Variants in KCNT2 observed in about 807,000 individuals in gnomAD.
The protein encoded by KCNT2 is potassium sodium-activated channel subfamily T member 2, also known as potassium channel subfamily T member 2.
KCNT2 carries 67 observed loss-of-function variants against 153.8 expected under a neutral mutation model. The ratio of observed to expected loss-of-function variants is 0.44; its 90% CI spans 0.36 to 0.53. The LOEUF (loss-of-function observed/expected upper bound fraction) is 0.53. Ranked by LOEUF, KCNT2 falls within the 20% of genes least tolerant of loss-of-function variation. The probability of loss-of-function intolerance (pLI) is 0.00; values close to 1 mark genes in which losing one functional copy is unlikely to be tolerated. For missense variants in KCNT2, 975 were observed against 1,354.8 expected, an observed-to-expected ratio of 0.72 and a Z score of 4.40; for synonymous variants, 500 against 458.8, an observed-to-expected ratio of 1.09 and a Z score of -1.15.
intron 1 of KCNT2, among the ~76,000 whole-genome samples, chr1:196,580,001 G>C (rs1661835308): frequency 6.6e-6 from 1 of 152,082 alleles, no homozygotes. Flanking sequence ...TTCCAACCTA[G>C]AAATGTTTCC....
At chr1:196,393,599 G>GGA (rs1273088439) in intron 13 of KCNT2, among the ~76,000 whole-genome samples, 1 of 137,416 alleles carries the variant, frequency 7.3e-6, no homozygotes, top group Non-Finnish European at 1.6e-5. Flanking sequence ...GTGTGTGCAT[G>GGA]TATGTGTGTG....
Position 196,273,422 on chromosome 1 carries a change from T to C in KCNT2, c.2910+7438A>G, listed in dbSNP as rs1658257240. Reference sequence around the variant, plus strand: ...TTTTTCTTTAATAGCTCTGAATTAATATATTACACCATTTGAGGAAAGGGA... The same window carrying C: ...TTTTTCTTTAATAGCTCTGAATTAACATATTACACCATTTGAGGAAAGGGA... On this transcript the variant is annotated intron_variant, in intron 25 of 27. Coordinates refer to ENST00000294725, the MANE Select transcript of KCNT2 (RefSeq NM_198503.5). The C allele has an allele frequency of 3.1e-6, 4 of 1,310,840 alleles. No homozygotes were observed. In the East Asian group the frequency reaches 1.0e-4, roughly 33 times the overall value. 81.2% of individuals were successfully genotyped at this position (1,310,840 alleles called of 1,614,324 possible). A position where few individuals can be genotyped will look rare whatever the true frequency, so the allele number is the denominator to read the frequency against.
At chr1:196,361,680 G>T (rs150325379) in intron 14 of KCNT2, among the ~76,000 whole-genome samples, 394 of 152,168 alleles carry the variant, frequency 2.6e-3, no homozygotes, top group African/African-American at 9.2e-3. Flanking sequence ...CTGGTGGTGT[G>T]GGGTAATAGG....
chr1:196,226,804 T>C lies in KCNT2; in HGVS notation c.*1420A>G, dbSNP rs924980856. On this transcript the variant is annotated 3_prime_UTR_variant, in exon 28 of 28. Transcript: ENST00000294725. ...AAAAGTCCCTTTCTAGTTTTATATG[T>C]ATTTTTTGTTGTTGCTGAATTAAAC... is the stretch of plus-strand genomic sequence containing the variant. 1 of 152,018 alleles carries C rather than the reference T, an allele frequency of 6.6e-6. No individual in the cohort carries two copies. Among genetic ancestry groups the C allele is most frequent in the East Asian group, 1.9e-4 (1 of 5,204 alleles). 9.4% of individuals were successfully genotyped at this position (152,018 alleles called of 1,614,324 possible). A position where few individuals can be genotyped will look rare whatever the true frequency, so the allele number is the denominator to read the frequency against.
rs1653626636 is a variant in KCNT2 at position 196,228,062 on chromosome 1, G to A, written c.*162C>T. On this transcript the variant is annotated 3_prime_UTR_variant, in exon 28 of 28. Coordinates refer to ENST00000294725, the MANE Select transcript of KCNT2 (RefSeq NM_198503.5). ...TTAATAGGGAGAGTACCAGTAAGTAGTACATTAAGTTTCAAAATGATCTAT... is the reference window on the plus strand; with the variant it reads ...TTAATAGGGAGAGTACCAGTAAGTAATACATTAAGTTTCAAAATGATCTAT... 1.8e-6 allele frequency: 1 copy of A among 544,890 alleles called. No homozygotes were observed. The allele number at this position is 544,890 out of a possible 1,614,324, so 33.8% of individuals were successfully genotyped here.
chr1:196,347,714 C>T (rs1666259941), intron 14 of KCNT2, among the ~76,000 whole-genome samples: 1 of 152,130 alleles, frequency 6.6e-6, no homozygotes, highest in Admixed American at 6.6e-5. Context: ...TCATCTGTTA[C>T]TTCTGTCTGC....
At chr1:196,248,703 G>A (rs1480365449) in intron 26 of KCNT2, among the ~76,000 whole-genome samples, 2 of 152,050 alleles carry the variant, frequency 1.3e-5, no homozygotes, top group South Asian at 2.1e-4. Flanking sequence ...CTACACTCCC[G>A]ATTTTGACCA....
At position 196,431,852 on chromosome 1, in the gene KCNT2, A is replaced by G. The variant is rs184368022; in HGVS notation, c.639-2095T>C. Among the ~76,000 whole-genome samples the G allele has an allele frequency of 2.4e-4, 37 of 152,254 alleles. No individual in the cohort carries two copies. The East Asian group carries it at 6.6e-3, about 27-fold the overall frequency. ...AAAATTGTGCTCCAGAGAAAACACCAACAGTTTGTCCAAGCAACTATGTGA... is the reference window on the plus strand; with the variant it reads ...AAAATTGTGCTCCAGAGAAAACACCGACAGTTTGTCCAAGCAACTATGTGA... On this transcript the variant is annotated intron_variant, in intron 8 of 27. Transcript: ENST00000294725.
chr1:196,382,788 A>G (rs1278125527), intron 13 of KCNT2, among the ~76,000 whole-genome samples: 1 of 152,190 alleles, frequency 6.6e-6, no homozygotes, highest in Non-Finnish European at 1.5e-5. Flanking sequence ...TAATTACAAG[A>G]GCAAGAGAAT....
intron 11 of KCNT2, among the ~76,000 whole-genome samples, chr1:196,425,181 C>T (rs889166196): frequency 2.6e-5 from 4 of 151,944 alleles, no homozygotes; most frequent in African/African-American, 7.2e-5. Flanking sequence ...GTGGTGTCCA[C>T]GCTATGCTCA....
intron 13 of KCNT2, among the ~76,000 whole-genome samples, chr1:196,385,772 A>AAAAAAAAT (rs747480460): frequency 1.3e-5 from 2 of 148,452 alleles, no homozygotes; most frequent in Non-Finnish European, 3.0e-5. Flanking sequence ...GCATTAAAAA[A>AAAAAAAAT]ATATATATAT....
chr1:196,280,262 G>A (rs1367022749), intron 25 of KCNT2, among the ~76,000 whole-genome samples: 5 of 152,036 alleles, frequency 3.3e-5, no homozygotes, highest in African/African-American at 9.7e-5. Flanking sequence ...AATATGTTTC[G>A]GGTGCATGAA....
At chr1:196,288,728 A>T (rs866743755) in intron 22 of KCNT2, among the ~76,000 whole-genome samples, 35 of 152,236 alleles carry the variant, frequency 2.3e-4, no homozygotes, top group African/African-American at 7.9e-4. Flanking sequence ...AGGTCTCTAG[A>T]TAATGAGGCA....
intron 25 of KCNT2, among the ~76,000 whole-genome samples, chr1:196,262,129 A>G (rs1341852927): frequency 6.6e-6 from 1 of 151,928 alleles, no homozygotes; most frequent in African/African-American, 2.4e-5. Context: ...ATAGCTGATT[A>G]TATTATAGTT....
intron 14 of KCNT2, among the ~76,000 whole-genome samples, chr1:196,363,678 C>T (rs1208452935): frequency 1.3e-5 from 2 of 152,248 alleles, no homozygotes; most frequent in South Asian, 2.1e-4. Context: ...GGCCTTCTGC[C>T]TTCTGCCATG....
chr1:196,235,605 C>CTTTTTTTTTTTTTTTTTTTTT, intron 27 of KCNT2, among the ~76,000 whole-genome samples: 1 of 151,392 alleles, frequency 6.6e-6, no homozygotes, highest in East Asian at 1.9e-4. Context: ...AGAACTTTTT[C>CTTTTTTTTTTTTTTTTTTTTT]TATTAAGTGT....
chr1:196,383,484 A>G (rs1431230667), intron 13 of KCNT2, among the ~76,000 whole-genome samples: 4 of 152,160 alleles, frequency 2.6e-5, no homozygotes, highest in African/African-American at 9.7e-5. Context: ...TTTGGACCAC[A>G]CTTTGAATAA....
At chr1:196,386,331 T>C (rs576886460) in intron 13 of KCNT2, among the ~76,000 whole-genome samples, 3 of 152,264 alleles carry the variant, frequency 2.0e-5, no homozygotes, top group South Asian at 4.1e-4. Flanking sequence ...TAAATTTACA[T>C]TGTTGTTTAT....
intron 8 of KCNT2, among the ~76,000 whole-genome samples, chr1:196,457,711 A>G (rs10801537): frequency 0.33 from 49,723 of 151,804 alleles, 8,184 homozygotes; most frequent in Admixed American, 0.39. Context: ...GCCATTTATT[A>G]TTGATCGTTA....
Sources: allele counts gnomAD v4.1 joint callset (sites outside exome capture counted in the v4.1 genomes callset), GRCh38; gene constraint gnomAD v4.1.1; transcripts MANE v1.5; gene names NCBI Gene and HGNC (gene_info 2026-07-23, HGNC 2026-07-21).